The following PRICKLE1 variants were observed in gnomAD, a reference collection of about 807,000 sequenced individuals.
The protein encoded by PRICKLE1 is prickle planar cell polarity protein 1, also known as prickle-like protein 1.
In PRICKLE1, 14 loss-of-function variants were observed where a neutral mutation model predicts 70.2. The ratio of observed to expected loss-of-function variants is 0.20; its 90% CI spans 0.13 to 0.31. The LOEUF (loss-of-function observed/expected upper bound fraction) is 0.31. Among genes scored for constraint, PRICKLE1 ranks in the 10% least tolerant of loss-of-function variants. The probability of loss-of-function intolerance (pLI) is 1.00; values close to 1 mark genes in which losing one functional copy is unlikely to be tolerated. For missense variants in PRICKLE1, 821 were observed against 1,026.2 expected, an observed-to-expected ratio of 0.80 and a Z score of 2.73; for synonymous variants, 357 against 379.9, an observed-to-expected ratio of 0.94 and a Z score of 0.70.
chr12:42,526,753 C>CAAA (rs55654226), intron 1 of PRICKLE1, among the ~76,000 whole-genome samples: 55 of 137,930 alleles, frequency 4.0e-4, no homozygotes, highest in African/African-American at 1.5e-3. Flanking sequence ...TCCTCTAAGC[C>CAAA]AAAAAAAAAA....
At chr12:42,573,648 C>T (rs777601604) in intron 1 of PRICKLE1, among the ~76,000 whole-genome samples, 10 of 152,062 alleles carry the variant, frequency 6.6e-5, no homozygotes, top group African/African-American at 2.2e-4. Flanking sequence ...CACTTCACTA[C>T]GGCCTCCATC....
At chr12:42,577,002 T>C (rs116307677) in intron 1 of PRICKLE1, among the ~76,000 whole-genome samples, 301 of 152,330 alleles carry the variant, frequency 2.0e-3, no homozygotes, top group African/African-American at 6.8e-3. Context: ...ATTAGGGTTA[T>C]TGAAAATATT....
chr12:42,570,568 C>T (rs981737418), intron 1 of PRICKLE1, among the ~76,000 whole-genome samples: 1 of 152,176 alleles, frequency 6.6e-6, no homozygotes, highest in Non-Finnish European at 1.5e-5. Flanking sequence ...GCCTGTAATC[C>T]CAGCACTTTG....
At chr12:42,523,550 A>T (rs1939748450) in intron 1 of PRICKLE1, among the ~76,000 whole-genome samples, 1 of 152,250 alleles carries the variant, frequency 6.6e-6, no homozygotes, top group Non-Finnish European at 1.5e-5. Flanking sequence ...GGAAAGAAGG[A>T]AGACTGGTAG....
At chr12:42,485,239 GTTTTTTTTTTTTTTT>G (rs556218718) in intron 1 of PRICKLE1, 2 of 100,784 alleles carry the variant, frequency 2.0e-5, no homozygotes, top group East Asian at 3.3e-4. Flanking sequence ...CAGCTGAGAA[GTTTTTTTTTTTTTTT>G]TTTTTTTTTT....
chr12:42,460,056 C>T lies in PRICKLE1; in HGVS notation c.2249G>A (p.Arg750Gln), dbSNP rs1323129125. The T allele has an allele frequency of 1.2e-5, 19 of 1,614,050 alleles. No homozygotes were observed. The highest frequency in any genetic ancestry group is 1.0e-5 in the Non-Finnish European group (12 of 1,180,020). The change falls in exon 8 of 8, where the codon CGG becomes CAG. Residue 750 changes from arginine to glutamine, a missense_variant. Physicochemically the swap from Arg to Gln is conservative, Grantham distance 43. Transcript: ENST00000345127. The stretch of plus-strand genomic sequence containing the variant: ...ATCCTCGCCGTAGAGTCCCAGAAAC[C>T]GATTCATTCCTGGGTTCTGCAGGCC... ...DYGLQNPGMN[R>Q]FLGLYGEDDD... is the part of the protein sequence containing the mutation.
intron 1 of PRICKLE1, among the ~76,000 whole-genome samples, chr12:42,549,797 C>T (rs920516925): frequency 6.6e-6 from 1 of 152,208 alleles, no homozygotes; most frequent in South Asian, 2.1e-4. Context: ...TTATCTGGCC[C>T]CAGCCTATCA....
intron 1 of PRICKLE1, among the ~76,000 whole-genome samples, chr12:42,559,197 T>G (rs567483904): frequency 6.6e-6 from 1 of 152,298 alleles, no homozygotes; most frequent in South Asian, 2.1e-4. Context: ...TCAAACTGTT[T>G]CCTGGTGGCT....
intron 1 of PRICKLE1, among the ~76,000 whole-genome samples, chr12:42,498,528 A>G (rs1488103423): frequency 1.3e-5 from 2 of 152,190 alleles, no homozygotes; most frequent in Non-Finnish European, 2.9e-5. Flanking sequence ...CATGCCTGTA[A>G]TTCCAGCACT....
chr12:42,551,718 C>T (rs180777584), intron 1 of PRICKLE1, among the ~76,000 whole-genome samples: 87 of 152,260 alleles, frequency 5.7e-4, no homozygotes, highest in African/African-American at 1.9e-3. Flanking sequence ...GAAGAGGAGA[C>T]GTTTATTTGG....
At chr12:42,477,373 A>T (rs1287551628) in intron 1 of PRICKLE1, among the ~76,000 whole-genome samples, 1 of 127,280 alleles carries the variant, frequency 7.9e-6, no homozygotes, top group Non-Finnish European at 1.6e-5. Context: ...ACTCTGTCTC[A>T]AAACAAAACA....
chr12:42,538,861 A>C (rs970569157), intron 1 of PRICKLE1, among the ~76,000 whole-genome samples: 1 of 152,180 alleles, frequency 6.6e-6, no homozygotes. Context: ...ACATAAATAC[A>C]GTTTCTTGTT....
At chr12:42,546,866 G>A (rs1157296684) in intron 1 of PRICKLE1, among the ~76,000 whole-genome samples, 2 of 152,036 alleles carry the variant, frequency 1.3e-5, no homozygotes, top group African/African-American at 2.4e-5. Flanking sequence ...TGGCTTTTTC[G>A]AAACCTTTAT....
In PRICKLE1 at chr12:42,468,617, T is replaced by G; in HGVS notation, c.588+9A>C. On this transcript the variant is annotated intron_variant, in intron 5 of 7. Coordinates refer to ENST00000345127, the MANE Select transcript of PRICKLE1 (RefSeq NM_153026.3). Reference sequence around the variant, plus strand: ...TTTTCCCAGTGTGAAAGGATGAACTTTTTTTTACCTCGTCACATGCTGAGC... The same window carrying G: ...TTTTCCCAGTGTGAAAGGATGAACTGTTTTTTACCTCGTCACATGCTGAGC... 1 of 1,613,566 alleles carries G rather than the reference T, an allele frequency of 6.2e-7. No individual in the cohort carries two copies. The highest frequency in any genetic ancestry group is 8.5e-7 in the Non-Finnish European group (1 of 1,179,784).
Position 42,509,813 on chromosome 12 carries a change from A to C in PRICKLE1, c.-48-37249T>G, listed in dbSNP as rs574922666. ...ATCATGGCCCGGCGAGGTGGCTCAC[A>C]CCTGTAATCCCAGCACTTTGGAAGG... On this transcript the variant is annotated intron_variant, in intron 1 of 7. Transcript: ENST00000345127. 3.3e-5 allele frequency among the ~76,000 whole-genome samples: 5 copies of C among 152,168 alleles called. No individual in the cohort carries two copies. In the South Asian group the frequency reaches 6.2e-4, roughly 19 times the overall value.
chr12:42,516,139 CT>C lies in PRICKLE1; in HGVS notation c.-48-43576del, dbSNP rs927499768. On this transcript the variant is annotated intron_variant, in intron 1 of 7. Coordinates refer to ENST00000345127, the MANE Select transcript of PRICKLE1 (RefSeq NM_153026.3). ...AAATGGCCTTCCATTTCTTCTTTCA[CT>C]TTTTTTTTTGAGACAGAGTCTCGCT... Among the ~76,000 whole-genome samples the C allele has an allele frequency of 4.0e-5, 6 of 149,360 alleles. No individual in the cohort carries two copies. In the East Asian group the frequency reaches 5.9e-4, roughly 15 times the overall value.
At chr12:42,487,026 T>G (rs1187156570) in intron 1 of PRICKLE1, among the ~76,000 whole-genome samples, 1 of 152,212 alleles carries the variant, frequency 6.6e-6, no homozygotes, top group Non-Finnish European at 1.5e-5. Flanking sequence ...TAGATAGGTA[T>G]CTAAAAGAAT....
intron 1 of PRICKLE1, among the ~76,000 whole-genome samples, chr12:42,520,166 G>A (rs1331012692): frequency 1.3e-5 from 2 of 152,166 alleles, no homozygotes; most frequent in Non-Finnish European, 2.9e-5. Flanking sequence ...AGGTTTGGAT[G>A]ATAAATTATC....
At chr12:42,536,856 T>C (rs2120576301) in intron 1 of PRICKLE1, among the ~76,000 whole-genome samples, 1 of 152,318 alleles carries the variant, frequency 6.6e-6, no homozygotes, top group East Asian at 1.9e-4. Flanking sequence ...CTCCATTTGC[T>C]ATGAGGACTC....
Sources: allele counts gnomAD v4.1 joint callset (sites outside exome capture counted in the v4.1 genomes callset), GRCh38; gene constraint gnomAD v4.1.1; transcripts MANE v1.5; gene names NCBI Gene and HGNC (gene_info 2026-07-23, HGNC 2026-07-21).